Variants in NOL4L observed in about 807,000 individuals in gnomAD.
NOL4L encodes the protein nucleolar protein 4-like.
A neutral mutation model predicts 64.5 loss-of-function variants in NOL4L; 7 were observed. The ratio of observed to expected loss-of-function variants is 0.11; its 90% CI spans 0.06 to 0.20. The LOEUF (loss-of-function observed/expected upper bound fraction) is 0.20, where lower values mean the gene tolerates loss of function less well. Ranked by LOEUF, NOL4L falls within the 10% of genes least tolerant of loss-of-function variation. The pLI is 1.00. For missense variants in NOL4L, 680 were observed against 967.1 expected, an observed-to-expected ratio of 0.70 and a Z score of 3.94; for synonymous variants, 413 against 401.0, an observed-to-expected ratio of 1.03 and a Z score of -0.36.
At chr20:32,564,000 G>A (rs1187855204) in intron 1 of NOL4L, among the ~76,000 whole-genome samples, 2 of 152,216 alleles carry the variant, frequency 1.3e-5, no homozygotes, top group African/African-American at 4.8e-5. Context: ...GCAGGAGCAG[G>A]AAAGGTAATT....
intron 1 of NOL4L, among the ~76,000 whole-genome samples, chr20:32,563,164 G>T (rs1979181593): frequency 4.8e-5 from 1 of 20,850 alleles, no homozygotes. Context: ...GTGCAGGGAG[G>T]GTGGAGGGAG....
intron 5 of NOL4L, among the ~76,000 whole-genome samples, chr20:32,472,133 T>G (rs1407927255): frequency 6.6e-6 from 1 of 152,204 alleles, no homozygotes; most frequent in Non-Finnish European, 1.5e-5. Context: ...ACAACCCAAC[T>G]TATCCCCCAT....
chr20:32,462,516 C>A (rs531249548), intron 5 of NOL4L, among the ~76,000 whole-genome samples: 3 of 152,044 alleles, frequency 2.0e-5, no homozygotes, highest in African/African-American at 7.2e-5. Context: ...GCCAGGAGAA[C>A]GCGCCTGTCA....
Position 32,453,701 on chromosome 20 carries a change from C to T in NOL4L, c.1180G>A (p.Glu394Lys). 6.4e-7 allele frequency: 1 copy of T among 1,562,454 alleles called. No individual in the cohort carries two copies. The highest frequency in any genetic ancestry group is 8.7e-7 in the Non-Finnish European group (1 of 1,153,146). ...GGGGCCCGGCCCACTGTCAGGTCCT[C>T]AGGGCAGCCGCTGACCTCGGTCTTG... ...SIKTEVSGCP[E>K]DLTVGRAPTA... Residue 394 changes from glutamate to lysine, a missense_variant, in exon 7 of 11, where the codon GAG becomes AAG. Glu to Lys is a moderately conservative substitution (Grantham distance 56). Coordinates refer to ENST00000621426, the MANE Select transcript of NOL4L (RefSeq NM_001256798.2). The surrounding 1 kb of genome is among the most constrained non-coding windows in gnomAD (Gnocchi z 5.6).
At chr20:32,528,560 C>T (rs2018226626) in intron 1 of NOL4L, among the ~76,000 whole-genome samples, 1 of 152,208 alleles carries the variant, frequency 6.6e-6, no homozygotes, top group Non-Finnish European at 1.5e-5. Context: ...CCCCGAGCCT[C>T]TTATCAGGCT....
intron 1 of NOL4L, among the ~76,000 whole-genome samples, chr20:32,583,602 C>A (rs1980649327): frequency 6.7e-6 from 1 of 149,772 alleles, no homozygotes; most frequent in South Asian, 2.1e-4. Flanking sequence ...TGGAGGGTCT[C>A]GGCGACGGAA....
At chr20:32,526,805 A>C (rs559119174) in intron 2 of NOL4L, among the ~76,000 whole-genome samples, 1 of 152,296 alleles carries the variant, frequency 6.6e-6, no homozygotes, top group East Asian at 1.9e-4. Context: ...GACTGCATCA[A>C]GGCTTGAATG....
At chr20:32,457,283 G>A (rs2013632511) in intron 5 of NOL4L, among the ~76,000 whole-genome samples, 2 of 152,232 alleles carry the variant, frequency 1.3e-5, no homozygotes, top group South Asian at 4.1e-4. Flanking sequence ...AGCTGAGACG[G>A]CAGAGGCTGA....
Position 32,445,552 on chromosome 20 carries a change from TA to T in NOL4L, c.*2043del, listed in dbSNP as rs2012292934. 6.6e-6 allele frequency: 1 copy of T among 152,194 alleles called. No individual in the cohort carries two copies. Among genetic ancestry groups the T allele is most frequent in the South Asian group, 2.1e-4 (1 of 4,834 alleles). The allele number at this position is 152,194 out of a possible 1,614,324, so 9.4% of individuals were successfully genotyped here. ...TTGTAGTATTGTTCACACACAAAAA[TA>T]AATATTTACACGAATTCAAATGTTG... is the stretch of plus-strand genomic sequence containing the variant. On this transcript the variant is annotated 3_prime_UTR_variant, in exon 11 of 11. Coordinates refer to ENST00000621426, the MANE Select transcript of NOL4L (RefSeq NM_001256798.2).
intron 1 of NOL4L, among the ~76,000 whole-genome samples, chr20:32,581,255 C>A (rs942013881): frequency 1.3e-5 from 2 of 152,180 alleles, no homozygotes; most frequent in Non-Finnish European, 2.9e-5. Context: ...GGCTTCTCCT[C>A]GACCCCCGCC....
At chr20:32,543,046 T>C (rs1600860180) in intron 1 of NOL4L, among the ~76,000 whole-genome samples, 2 of 152,244 alleles carry the variant, frequency 1.3e-5, no homozygotes, top group South Asian at 2.1e-4. Context: ...CGCCAGCTAG[T>C]GATCATTACC....
At chr20:32,565,389 C>T (rs1600880761) in intron 1 of NOL4L, among the ~76,000 whole-genome samples, 1 of 152,224 alleles carries the variant, frequency 6.6e-6, no homozygotes, top group African/African-American at 2.4e-5. Flanking sequence ...CTGTGCCTTA[C>T]AAAACCTGGT....
At chr20:32,494,533 T>A (rs1252248606) in intron 4 of NOL4L, among the ~76,000 whole-genome samples, 2 of 152,180 alleles carry the variant, frequency 1.3e-5, no homozygotes, top group African/African-American at 4.8e-5. Flanking sequence ...CCCAAAGTGA[T>A]TGTCAAAGTT....
At chr20:32,519,054 C>T (rs1263479775) in intron 3 of NOL4L, among the ~76,000 whole-genome samples, 1 of 152,266 alleles carries the variant, frequency 6.6e-6, no homozygotes, top group Non-Finnish European at 1.5e-5. Flanking sequence ...GATGAGGGAA[C>T]TGAGGCTCAG....
chr20:32,481,592 G>T (rs947902576), intron 4 of NOL4L, among the ~76,000 whole-genome samples: 4 of 152,180 alleles, frequency 2.6e-5, no homozygotes, highest in African/African-American at 2.4e-5. Flanking sequence ...TTCCCACTGT[G>T]CGGCAGGAAG....
chr20:32,567,215 A>ACCCC (rs1979483600), intron 1 of NOL4L, among the ~76,000 whole-genome samples: 2 of 152,152 alleles, frequency 1.3e-5, no homozygotes, highest in Non-Finnish European at 2.9e-5. Flanking sequence ...GCGTCAGGGA[A>ACCCC]ACAGCAATGT....
intron 1 of NOL4L, among the ~76,000 whole-genome samples, chr20:32,569,867 GT>G (rs1979653754): frequency 6.6e-6 from 1 of 152,214 alleles, no homozygotes; most frequent in South Asian, 2.1e-4. Flanking sequence ...ACAGGACCTG[GT>G]ACATAGCAGG....
chr20:32,575,974 C>A (rs1980076674), intron 1 of NOL4L, among the ~76,000 whole-genome samples: 1 of 152,156 alleles, frequency 6.6e-6, no homozygotes, highest in Non-Finnish European at 1.5e-5. Context: ...GGGCCTGGGG[C>A]AGGACTGTAT....
intron 5 of NOL4L, among the ~76,000 whole-genome samples, chr20:32,467,057 G>C (rs187203483): frequency 5.6e-4 from 85 of 152,268 alleles, no homozygotes; most frequent in Non-Finnish European, 3.8e-4. Context: ...GAGCCCGGGT[G>C]GCCTGGTCGT....
Sources: gnomAD v4.1 joint callset for allele counts (sites outside exome capture counted in the v4.1 genomes callset) on GRCh38, gnomAD v4.1.1 for gene constraint, Gnocchi (gnomAD v3.1) non-coding constraint, MANE v1.5 for transcripts, NCBI Gene and HGNC (gene_info 2026-07-23, HGNC 2026-07-21) for gene names.